The following SLC8A2 variants were observed in gnomAD, a reference collection of about 807,000 sequenced individuals.
SLC8A2 encodes solute carrier family 8 member A2, also known as sodium/calcium exchanger 2.
Under a neutral mutation model 70.2 loss-of-function variants are expected in SLC8A2, and 14 were observed. The observed-to-expected ratio is 0.20, with a 90% CI of 0.13 to 0.31. The LOEUF is 0.31. Among genes scored for constraint, SLC8A2 ranks in the 10% least tolerant of loss-of-function variants. The pLI, the probability that SLC8A2 is intolerant of heterozygous loss-of-function variation, is 1.00. For missense variants in SLC8A2, 779 were observed against 1,320.1 expected (o/e 0.59, Z 6.35); for synonymous variants, 575 against 594.3 (o/e 0.97, Z 0.47).
intron 9 of SLC8A2, among the ~76,000 whole-genome samples, chr19:47,431,667 A>T (rs959268622): frequency 7.5e-6 from 1 of 133,484 alleles, no homozygotes; most frequent in African/African-American, 2.5e-5. Context: ...CAAAAAAAAA[A>T]AAAAAAAAAA....
chr19:47,442,088 G>A (rs1006373055), intron 4 of SLC8A2, among the ~76,000 whole-genome samples: 16 of 152,070 alleles, frequency 1.1e-4, no homozygotes, highest in African/African-American at 2.4e-4. Context: ...GCAACAGAGC[G>A]AGACACCATC....
rs569241608 is a variant in SLC8A2 at position 47,458,811 on chromosome 19, C to T, written c.676-1217G>A. Among the ~76,000 whole-genome samples the T allele has an allele frequency of 3.3e-5, 5 of 150,960 alleles. No homozygotes were observed. The East Asian group carries it at 7.9e-4, about 24-fold the overall frequency. ...CCAGAGCTAATTTTTTCCCCTCTCC[C>T]GTCACCGTTTCTCTCTCTCCTTTCC... On this transcript the variant is annotated intron_variant, in intron 2 of 9. Coordinates refer to ENST00000236877, the MANE Select transcript of SLC8A2 (RefSeq NM_015063.3).
At chr19:47,456,562 A>G (rs1188359034) in intron 3 of SLC8A2, among the ~76,000 whole-genome samples, 1 of 152,190 alleles carries the variant, frequency 6.6e-6, no homozygotes, top group African/African-American at 2.4e-5. Flanking sequence ...GCAACTCAAG[A>G]GGCTGAGGCA....
chr19:47,470,187 G>C (rs1264264380), intron 1 of SLC8A2, among the ~76,000 whole-genome samples: 1 of 152,178 alleles, frequency 6.6e-6, no homozygotes, highest in East Asian at 1.9e-4. Flanking sequence ...TCACACCACA[G>C]AGCTTGGGTG....
In SLC8A2 at chr19:47,430,223, G is replaced by C; in HGVS notation, c.2632C>G (p.Arg878Gly). Residue 878 changes from arginine (R) to glycine (G), a missense_variant, in exon 10 of 10, where the codon CGG becomes GGG. Transcript: ENST00000236877. The surrounding 1 kb of genome is among the most constrained non-coding windows in gnomAD (Gnocchi z 5.9). ...VGIAVLLYRRRPHIGGELGGP... is the reference protein window; with the variant it reads ...VGIAVLLYRRGPHIGGELGGP... ...CCCAGCTCGCCGCCGATGTGCGGCCGGCGCCGGTACAGCAGCACGGCAATG... is the reference window on the plus strand; with the variant it reads ...CCCAGCTCGCCGCCGATGTGCGGCCCGCGCCGGTACAGCAGCACGGCAATG... The C allele has an allele frequency of 6.2e-7, 1 of 1,608,852 alleles. No individual in the cohort carries two copies. Among genetic ancestry groups the C allele is most frequent in the African/African-American group, 1.3e-5 (1 of 74,896 alleles).
chr19:47,471,360 A>G (rs1046117483), intron 1 of SLC8A2, among the ~76,000 whole-genome samples: 1 of 152,030 alleles, frequency 6.6e-6, no homozygotes, highest in African/African-American at 2.4e-5. Context: ...AGACACAGAG[A>G]GAGGGAGACA....
rs140424047 is a variant in SLC8A2 at position 47,468,742 on chromosome 19, G to A, written c.-16-2323C>T. 2.0e-5 allele frequency among the ~76,000 whole-genome samples: 3 copies of A among 152,292 alleles called. No homozygotes were observed. Among genetic ancestry groups the A allele is most frequent in the African/African-American group, 7.2e-5 (3 of 41,562 alleles). ...AGGTGAGAGGACCAAGGCGCAGAGA[G>A]GTTACGGAACTTGCCCACATCATCC... On this transcript the variant is annotated intron_variant, in intron 1 of 9. Coordinates refer to ENST00000236877, the MANE Select transcript of SLC8A2 (RefSeq NM_015063.3). The surrounding 1 kb of genome is among the most constrained non-coding windows in gnomAD (Gnocchi z 5.1).
rs763454214 is a variant in SLC8A2 at position 47,437,865 on chromosome 19, T to C, written c.1994A>G (p.Glu665Gly). 1 of 1,613,856 alleles carries C rather than the reference T, an allele frequency of 6.2e-7. No homozygotes were observed. Among genetic ancestry groups the C allele is most frequent in the Non-Finnish European group, 8.5e-7 (1 of 1,179,946 alleles). The change falls in exon 7 of 10, where the codon GAG (glutamate) becomes GGG (glycine). Residue 665 changes from glutamate to glycine, a missense_variant. Physicochemically the swap from Glu to Gly is moderately conservative, Grantham distance 98. Transcript: ENST00000236877. ...GAAAATCACCTTAAAATCATATGAC[T>C]CCTCGATGATGACCTCCAGCCGGCA... ...ENCRLEVIIE[E>G]SYDFKNTVDK...
intron 2 of SLC8A2, among the ~76,000 whole-genome samples, chr19:47,458,414 A>G (rs1388032774): frequency 2.2e-5 from 2 of 92,118 alleles, no homozygotes; most frequent in Non-Finnish European, 4.2e-5. Flanking sequence ...GCCTTTCCCC[A>G]TCTCTCTCCC....
chr19:47,456,139 G>C (rs1002598922), intron 3 of SLC8A2, among the ~76,000 whole-genome samples: 1 of 152,200 alleles, frequency 6.6e-6, no homozygotes, highest in Admixed American at 6.5e-5. Flanking sequence ...GAGAAGGCTT[G>C]TTCTACCAGG....
At chr19:47,457,819 TTC>T (rs1336041741) in intron 2 of SLC8A2, among the ~76,000 whole-genome samples, 5 of 151,408 alleles carry the variant, frequency 3.3e-5, no homozygotes, top group African/African-American at 1.2e-4. Flanking sequence ...TCTTCCTTCT[TTC>T]TCTCTCTCTT....
intron 1 of SLC8A2, among the ~76,000 whole-genome samples, chr19:47,469,015 C>A (rs993999068): frequency 6.6e-6 from 1 of 152,168 alleles, no homozygotes; most frequent in South Asian, 2.1e-4. Flanking sequence ...CCAACTCACA[C>A]CTACATACCC....
intron 3 of SLC8A2, among the ~76,000 whole-genome samples, chr19:47,455,399 C>A (rs1482281377): frequency 6.6e-6 from 1 of 152,242 alleles, no homozygotes; most frequent in East Asian, 1.9e-4. Flanking sequence ...GCTCCTACCA[C>A]TACCTGGCAT....
chr19:47,431,672 AAAAAAAAAC>A (rs1378586697), intron 9 of SLC8A2, among the ~76,000 whole-genome samples: 22 of 141,118 alleles, frequency 1.6e-4, no homozygotes, highest in Admixed American at 7.4e-4. Context: ...AAAAAAAAAA[AAAAAAAAAC>A]AAAACCCAAA....
chr19:47,430,197 G>T lies in SLC8A2; in HGVS notation c.2658C>A (p.Gly886=), dbSNP rs375065530. Reference sequence around the variant, plus strand: ...TGGCGAGCTTGGGTCCGCGCGGGCCGCCCAGCTCGCCGCCGATGTGCGGCC... The same window carrying T: ...TGGCGAGCTTGGGTCCGCGCGGGCCTCCCAGCTCGCCGCCGATGTGCGGCC... ...RRRPHIGGEL[G]GPRGPKLATT... Residue 886 remains glycine (G), a synonymous_variant, in exon 10 of 10, where the codon GGC becomes GGA. Coordinates refer to ENST00000236877, the MANE Select transcript of SLC8A2 (RefSeq NM_015063.3). The surrounding 1 kb of genome is among the most constrained non-coding windows in gnomAD (Gnocchi z 5.9). 6.2e-6 allele frequency: 10 copies of T among 1,602,740 alleles called. No individual in the cohort carries two copies. Among genetic ancestry groups the T allele is most frequent in the African/African-American group, 4.0e-5 (3 of 74,656 alleles).
intron 6 of SLC8A2, among the ~76,000 whole-genome samples, chr19:47,439,641 C>CCTTCCTTCCTTCCTTT (rs1188903951): frequency 6.6e-6 from 1 of 150,580 alleles, no homozygotes; most frequent in Non-Finnish European, 1.5e-5. Flanking sequence ...TTCCTTCCTT[C>CCTTCCTTCCTTCCTTT]CTCCCCTCCC....
At chr19:47,462,097 C>T (rs1032162780) in intron 2 of SLC8A2, among the ~76,000 whole-genome samples, 3 of 152,096 alleles carry the variant, frequency 2.0e-5, no homozygotes, top group African/African-American at 7.2e-5. Flanking sequence ...GAACCTGCCA[C>T]TAACATTCTT....
intron 4 of SLC8A2, among the ~76,000 whole-genome samples, chr19:47,443,720 C>T (rs893397339): frequency 5.3e-5 from 8 of 152,172 alleles, no homozygotes; most frequent in African/African-American, 1.9e-4. Flanking sequence ...TGTTTACTTC[C>T]TTCAGTGCCT....
At chr19:47,442,148 G>A (rs1371983071) in intron 4 of SLC8A2, among the ~76,000 whole-genome samples, 13 of 152,178 alleles carry the variant, frequency 8.5e-5, no homozygotes. Context: ...ATGAGCTCAT[G>A]GTTGAGACAG....
Sources: gnomAD v4.1 joint callset for allele counts (sites outside exome capture counted in the v4.1 genomes callset) on GRCh38, gnomAD v4.1.1 for gene constraint, Gnocchi (gnomAD v3.1) non-coding constraint, MANE v1.5 for transcripts, NCBI Gene and HGNC (gene_info 2026-07-23, HGNC 2026-07-21) for gene names.